EFHB: variants seen among roughly 807,000 people sequenced by gnomAD.
EFHB encodes EF-hand domain family member B, also known as EF-hand domain-containing family member B.
A neutral mutation model predicts 87.2 loss-of-function variants in EFHB; 91 were observed. The ratio of observed to expected loss-of-function variants is 1.04; its 90% CI spans 0.88 to 1.24. The LOEUF (loss-of-function observed/expected upper bound fraction) is 1.24. Among genes scored for constraint, EFHB ranks in the 50% most tolerant of loss-of-function variants. The pLI is 0.00. For missense variants in EFHB, 1,084 were observed against 998.8 expected (o/e 1.09, Z -1.15); for synonymous variants, 325 against 333.6 (o/e 0.97, Z 0.28).
upstream of EFHB, chr3:19,934,250 G>A (rs1269600491): frequency 7.0e-7 from 1 of 1,420,036 alleles, no homozygotes; most frequent in Non-Finnish European, 9.2e-7. Context: ...CAGGGGCGGG[G>A]CTTGGCGCTC....
rs2071766029 is a variant in EFHB, at chr3:19,884,521, T to C, written c.2028A>G (p.Glu676=). Reference sequence around the variant, plus strand: ...GGAGAGTCTTTTCTGTGCTTCCTGCTTCTTTTAAGACAATATCTTCTGGCT... The same window carrying C: ...GGAGAGTCTTTTCTGTGCTTCCTGCCTCTTTTAAGACAATATCTTCTGGCT... ...LIKPEDIVLK[E]AGSTEKTLRT... Residue 676 remains glutamate, a synonymous_variant, in exon 11 of 13, where the codon GAA becomes GAG. Transcript: ENST00000295824. 6.2e-7 allele frequency: 1 copy of C among 1,614,028 alleles called. No homozygotes were observed. The highest frequency in any genetic ancestry group is 8.5e-7 in the Non-Finnish European group (1 of 1,179,902).
Position 19,884,495 on chromosome 3 carries a change from C to T in EFHB, c.2054G>A (p.Arg685Gln), listed in dbSNP as rs142916632. The change falls in exon 11 of 13, where the codon CGG becomes CAG. Residue 685 changes from arginine to glutamine, a missense_variant. Physicochemically the swap from Arg to Gln is conservative, Grantham distance 43 (BLOSUM62 1). Coordinates refer to ENST00000295824, the MANE Select transcript of EFHB (RefSeq NM_144715.4). Reference protein sequence around the residue: ...KEAGSTEKTLRTLLRPSDKVS... With the variant: ...KEAGSTEKTLQTLLRPSDKVS... ...TTTATCACTTGGTCTCAGAAGTGTC[C>T]GGAGAGTCTTTTCTGTGCTTCCTGC... 29 of 1,613,744 alleles carry T rather than the reference C, an allele frequency of 1.8e-5. No individual in the cohort carries two copies. The East Asian group carries it at 2.2e-4, about 12-fold the overall frequency.
chr3:19,942,124 G>C (rs915482196), intron 1 of EFHB: 3 of 152,246 alleles, frequency 2.0e-5, no homozygotes, highest in Admixed American at 1.3e-4. Context: ...CACCACTCCA[G>C]CCTGGGTGAC....
intron 1 of EFHB, among the ~76,000 whole-genome samples, chr3:19,927,238 T>G (rs1455866606): frequency 1.3e-5 from 2 of 152,328 alleles, no homozygotes; most frequent in East Asian, 3.9e-4. Flanking sequence ...AGGGACAGTC[T>G]CGGGATAGCT....
At chr3:19,909,911 G>T (rs1280077371) in intron 5 of EFHB, among the ~76,000 whole-genome samples, 2 of 152,028 alleles carry the variant, frequency 1.3e-5, no homozygotes, top group African/African-American at 4.8e-5. Context: ...CCTGCTAACC[G>T]AAGAGCTCTT....
chr3:19,929,345 C>A (rs1436137101), intron 1 of EFHB, among the ~76,000 whole-genome samples: 1 of 151,774 alleles, frequency 6.6e-6, no homozygotes, highest in Non-Finnish European at 1.5e-5. Context: ...GGCTGACAAA[C>A]TATTTTATAG....
intron 5 of EFHB, among the ~76,000 whole-genome samples, chr3:19,908,863 C>A (rs1219168990): frequency 2.0e-5 from 3 of 151,986 alleles, no homozygotes; most frequent in African/African-American, 7.3e-5. Flanking sequence ...ATATATAGAG[C>A]AGGCTCCCTA....
chr3:19,934,772 C>T (rs1310285519), upstream of EFHB, among the ~76,000 whole-genome samples: 1 of 152,220 alleles, frequency 6.6e-6, no homozygotes, highest in East Asian at 1.9e-4. Context: ...AGTACCTCCG[C>T]CCTGCATGTA....
At chr3:19,930,746 G>T (rs1358763678) in intron 1 of EFHB, among the ~76,000 whole-genome samples, 1 of 152,092 alleles carries the variant, frequency 6.6e-6, no homozygotes, top group Non-Finnish European at 1.5e-5. Flanking sequence ...AGGACTACAG[G>T]CACATACTAC....
intron 1 of EFHB, chr3:19,943,346 C>A: frequency 5.7e-6 from 1 of 175,872 alleles, no homozygotes; most frequent in South Asian, 1.3e-4. Context: ...GGATTGGATT[C>A]TGAAGAAAGA....
Position 19,888,745 on chromosome 3 carries a change from C to T in EFHB, c.1726-94G>A, listed in dbSNP as rs925874936. ...TAGTTTAAGAAAAAAGAAATAGCTTCATCACATAAATTCAAATTTGTCTCA... is the reference window on the plus strand; with the variant it reads ...TAGTTTAAGAAAAAAGAAATAGCTTTATCACATAAATTCAAATTTGTCTCA... On this transcript the variant is annotated intron_variant, in intron 9 of 12. Transcript: ENST00000295824. 4.8e-6 allele frequency: 5 copies of T among 1,035,470 alleles called. No individual in the cohort carries two copies. The Admixed American group carries it at 1.3e-4, about 27-fold the overall frequency. The allele number at this position is 1,035,470 out of a possible 1,614,324, so 64.1% of individuals were successfully genotyped here. A position where few individuals can be genotyped will look rare whatever the true frequency, so the allele number is the denominator to read the frequency against.
chr3:19,914,242 A>C (rs972102733), intron 5 of EFHB, among the ~76,000 whole-genome samples: 14 of 152,180 alleles, frequency 9.2e-5, no homozygotes, highest in Non-Finnish European at 1.9e-4. Context: ...AGTTCTTTTA[A>C]AACAATTAAA....
intron 5 of EFHB, among the ~76,000 whole-genome samples, chr3:19,911,465 G>A (rs1460488719): frequency 6.6e-6 from 1 of 151,974 alleles, no homozygotes; most frequent in Non-Finnish European, 1.5e-5. Flanking sequence ...GGCTGAGACA[G>A]GAGAATCACT....
rs908426240 is a variant in EFHB, at chr3:19,879,692, A to T, written c.2441T>A (p.Ile814Asn). The part of the protein sequence containing the change: ...HHRGEVCVEN[I>N]RNVLDELRHA... Reference sequence around the variant, plus strand: ...CCGTAGCTCATCTAGAACATTTCTGATGTTCTCAACACAAACTTCTCCTCT... The same window carrying T: ...CCGTAGCTCATCTAGAACATTTCTGTTGTTCTCAACACAAACTTCTCCTCT... Residue 814 changes from isoleucine (I) to asparagine (N), a missense_variant, in exon 13 of 13, where the codon ATC becomes AAC. Ile to Asn is a moderately radical substitution (Grantham distance 149). Coordinates refer to ENST00000295824, the MANE Select transcript of EFHB (RefSeq NM_144715.4). 1.2e-6 allele frequency: 2 copies of T among 1,610,070 alleles called. No individual in the cohort carries two copies. The highest frequency in any genetic ancestry group is 1.7e-6 in the Non-Finnish European group (2 of 1,178,998).
chr3:19,886,251 A>G (rs1329791662), intron 10 of EFHB, among the ~76,000 whole-genome samples: 2 of 152,208 alleles, frequency 1.3e-5, no homozygotes, highest in Non-Finnish European at 2.9e-5. Flanking sequence ...TTCCTAGTGG[A>G]TAGAATAGAA....
At chr3:19,936,158 C>T (rs569515383), upstream of EFHB, 52 of 1,429,454 alleles carry the variant, frequency 3.6e-5, no homozygotes, top group African/African-American at 5.8e-4. Flanking sequence ...CTCAACACTT[C>T]GGGAAGCCAA....
intron 6 of EFHB, 59 bp downstream of exon 6, chr3:19,905,561 C>G: frequency 6.5e-7 from 1 of 1,545,056 alleles, no homozygotes; most frequent in Non-Finnish European, 8.8e-7. Context: ...TAAAAATCAA[C>G]TTTTCTTTAA....
chr3:19,917,741 A>C (rs959959966), intron 4 of EFHB, among the ~76,000 whole-genome samples: 2 of 152,222 alleles, frequency 1.3e-5, no homozygotes, highest in Non-Finnish European at 2.9e-5. Flanking sequence ...GTGGAAGTCA[A>C]CTATGCACTC....
chr3:19,889,762 T>C (rs187747643), intron 9 of EFHB, among the ~76,000 whole-genome samples: 6 of 152,304 alleles, frequency 3.9e-5, no homozygotes, highest in Admixed American at 2.0e-4. Context: ...CCAGGCACGG[T>C]GGCTCATGCC....
Sources: gnomAD v4.1 joint callset for allele counts (sites outside exome capture counted in the v4.1 genomes callset) on GRCh38, gnomAD v4.1.1 for gene constraint, MANE v1.5 for transcripts, NCBI Gene and HGNC (gene_info 2026-07-23, HGNC 2026-07-21) for gene names.